Variants in NKAIN2 observed in about 807,000 individuals in gnomAD.
NKAIN2 encodes the protein sodium/potassium-transporting ATPase subunit beta-1-interacting protein 2.
NKAIN2 carries 14 observed loss-of-function variants against 32.6 expected under a neutral mutation model. The observed-to-expected ratio is 0.43, with a 90% CI of 0.28 to 0.67. NKAIN2 has a LOEUF of 0.67. NKAIN2 is among the 30% of genes least tolerant of loss of function. The probability of loss-of-function intolerance (pLI) is 0.17; values close to 1 mark genes in which losing one functional copy is unlikely to be tolerated. For synonymous variants in NKAIN2, 80 were observed against 87.2 expected, an observed-to-expected ratio of 0.92 and a Z score of 0.46; for missense variants, 198 against 258.3, an observed-to-expected ratio of 0.77 and a Z score of 1.60.
intron 1 of NKAIN2, among the ~76,000 whole-genome samples, chr6:124,145,164 T>C (rs570639970): frequency 6.6e-6 from 1 of 152,336 alleles, no homozygotes; most frequent in Non-Finnish European, 1.5e-5. Flanking sequence ...GGACCTGACA[T>C]ACATTTCTGG....
intron 4 of NKAIN2, among the ~76,000 whole-genome samples, chr6:124,680,309 T>A (rs1324753734): frequency 6.6e-6 from 1 of 152,116 alleles, no homozygotes; most frequent in Non-Finnish European, 1.5e-5. Flanking sequence ...CAGTTGATGA[T>A]TTGATGAGTC....
chr6:124,449,161 G>C (rs548119820), intron 3 of NKAIN2, among the ~76,000 whole-genome samples: 5 of 152,122 alleles, frequency 3.3e-5, no homozygotes, highest in Non-Finnish European at 4.4e-5. Flanking sequence ...GTTTTAATAT[G>C]AAAAATATTT....
chr6:123,928,873 T>C (rs571925747), intron 1 of NKAIN2, among the ~76,000 whole-genome samples: 2 of 152,286 alleles, frequency 1.3e-5, no homozygotes, highest in South Asian at 4.1e-4. Flanking sequence ...TCTATCAATA[T>C]TATAATGGAT....
At chr6:123,926,031 G>C (rs79409872) in intron 1 of NKAIN2, among the ~76,000 whole-genome samples, 6,058 of 152,188 alleles carry the variant, frequency 0.04, 268 homozygotes, top group African/African-American at 0.098. Flanking sequence ...CATGGTGGAA[G>C]GGACTAGCTA....
At chr6:124,722,071 A>G (rs1254667806) in intron 4 of NKAIN2, among the ~76,000 whole-genome samples, 1 of 152,194 alleles carries the variant, frequency 6.6e-6, no homozygotes, top group East Asian at 1.9e-4. Context: ...GGAATCAGAC[A>G]GTACTTATCT....
intron 3 of NKAIN2, among the ~76,000 whole-genome samples, chr6:124,433,648 C>G (rs1311582649): frequency 2.6e-5 from 4 of 152,120 alleles, no homozygotes; most frequent in Admixed American, 6.6e-5. Context: ...CCAAGATTTA[C>G]TAGCTGGGGA....
At chr6:123,971,576 G>T (rs1455324586) in intron 1 of NKAIN2, among the ~76,000 whole-genome samples, 1 of 152,076 alleles carries the variant, frequency 6.6e-6, no homozygotes, top group South Asian at 2.1e-4. Flanking sequence ...CTAATATCTT[G>T]AGCGGATATT....
At chr6:124,700,095 T>C (rs1228929447) in intron 4 of NKAIN2, among the ~76,000 whole-genome samples, 1 of 152,220 alleles carries the variant, frequency 6.6e-6, no homozygotes, top group Non-Finnish European at 1.5e-5. Flanking sequence ...TATCGATATA[T>C]TTTTAATTTC....
At chr6:124,235,602 GTT>G (rs35917574) in intron 1 of NKAIN2, among the ~76,000 whole-genome samples, 9 of 147,456 alleles carry the variant, frequency 6.1e-5, no homozygotes, top group Middle Eastern at 3.4e-3. Flanking sequence ...TTTTTTTGTT[GTT>G]TTTTTTTTTC....
chr6:124,268,648 A>G (rs1794611305), intron 1 of NKAIN2, among the ~76,000 whole-genome samples: 1 of 151,954 alleles, frequency 6.6e-6, no homozygotes, highest in South Asian at 2.1e-4. Flanking sequence ...AACTAGAAAA[A>G]TCATACTTCA....
intron 4 of NKAIN2, among the ~76,000 whole-genome samples, chr6:124,780,101 C>T (rs1343532224): frequency 6.6e-6 from 1 of 152,092 alleles, no homozygotes; most frequent in African/African-American, 2.4e-5. Flanking sequence ...CAATAAGATT[C>T]TATTGTATGA....
chr6:124,366,184 A>T (rs9388327), intron 3 of NKAIN2, among the ~76,000 whole-genome samples: 1,711 of 152,024 alleles, frequency 0.011, 36 homozygotes, highest in African/African-American at 0.038. Flanking sequence ...AATAAAGCCA[A>T]ATTGCTTTTT....
At chr6:123,811,328 C>A in intron 1 of NKAIN2, among the ~76,000 whole-genome samples, 1 of 142,312 alleles carries the variant, frequency 7.0e-6, no homozygotes, top group Non-Finnish European at 1.5e-5. Flanking sequence ...ACCCTCATGT[C>A]TGGTAATGCT....
chr6:123,812,604 A>G (rs1345140299), intron 1 of NKAIN2, among the ~76,000 whole-genome samples: 1 of 152,222 alleles, frequency 6.6e-6, no homozygotes, highest in Admixed American at 6.5e-5. Context: ...TTAGAACTCC[A>G]GAACACCTTG....
intron 1 of NKAIN2, among the ~76,000 whole-genome samples, chr6:124,265,323 C>CCTACT (rs1370174091): frequency 4.6e-5 from 7 of 151,574 alleles, no homozygotes; most frequent in Admixed American, 4.6e-4. Flanking sequence ...TAAAAATTAC[C>CCTACT]CTACTCTTAG....
At chr6:124,551,718 T>C (rs760342247) in intron 3 of NKAIN2, among the ~76,000 whole-genome samples, 6 of 152,202 alleles carry the variant, frequency 3.9e-5, no homozygotes, top group Non-Finnish European at 7.3e-5. Context: ...CTGAAAACAT[T>C]TCCTGTATCC....
chr6:124,267,501 A>AG (rs1249402046), intron 1 of NKAIN2, among the ~76,000 whole-genome samples: 6 of 151,518 alleles, frequency 4.0e-5, no homozygotes, highest in East Asian at 1.9e-4. Flanking sequence ...AAAAAAAAAA[A>AG]AGAGAAAGTA....
At chr6:124,080,128 G>C (rs1783889703) in intron 1 of NKAIN2, among the ~76,000 whole-genome samples, 1 of 152,114 alleles carries the variant, frequency 6.6e-6, no homozygotes, top group Admixed American at 6.6e-5. Flanking sequence ...CAGCAGCCCT[G>C]AGAATCAGGC....
At chr6:124,093,144 A>G (rs931440434) in intron 1 of NKAIN2, among the ~76,000 whole-genome samples, 3 of 152,106 alleles carry the variant, frequency 2.0e-5, no homozygotes, top group South Asian at 4.1e-4. Flanking sequence ...CTCCTCAAAT[A>G]TCCTGAAATT....
Sources: allele counts gnomAD v4.1 joint callset (sites outside exome capture counted in the v4.1 genomes callset), GRCh38; gene constraint gnomAD v4.1.1; transcripts MANE v1.5; gene names NCBI Gene and HGNC (gene_info 2026-07-23, HGNC 2026-07-21).